CTNNA3: variants seen among roughly 807,000 people sequenced by gnomAD.
The protein encoded by CTNNA3 is catenin alpha 3.
A neutral mutation model predicts 95.7 loss-of-function variants in CTNNA3; 76 were observed. That is an observed-to-expected ratio of 0.79 (90% confidence interval 0.66 to 0.96). The LOEUF (loss-of-function observed/expected upper bound fraction) is 0.96, where lower values mean the gene tolerates loss of function less well. Among genes scored for constraint, CTNNA3 ranks in the 40% least tolerant of loss-of-function variants. The pLI is 0.00. For missense variants in CTNNA3, 1,191 were observed against 1,089.8 expected (o/e 1.09, Z -1.31); for synonymous variants, 431 against 374.4 (o/e 1.15, Z -1.74).
At chr10:66,392,376 G>A (rs1321431502) in intron 11 of CTNNA3, among the ~76,000 whole-genome samples, 1 of 152,040 alleles carries the variant, frequency 6.6e-6, no homozygotes, top group Non-Finnish European at 1.5e-5. Flanking sequence ...GTTGCAGTGA[G>A]CAGAGATCGC....
At chr10:67,243,267 C>A (rs924082614) in intron 5 of CTNNA3, among the ~76,000 whole-genome samples, 8 of 151,946 alleles carry the variant, frequency 5.3e-5, no homozygotes, top group African/African-American at 1.9e-4. Context: ...ACTTTTCCAA[C>A]CCCCCCAACC....
At chr10:65,981,114 C>A (rs2078311596) in intron 16 of CTNNA3, among the ~76,000 whole-genome samples, 1 of 152,064 alleles carries the variant, frequency 6.6e-6, no homozygotes. Context: ...ATCCAAGAAT[C>A]TCCTAGAACT....
chr10:65,959,669 C>T (rs541747985), intron 17 of CTNNA3, among the ~76,000 whole-genome samples: 15 of 152,272 alleles, frequency 9.9e-5, no homozygotes, highest in African/African-American at 3.6e-4. Context: ...GGACTACAGG[C>T]ATACACCACC....
chr10:66,766,745 C>T (rs1839874465), intron 8 of CTNNA3, among the ~76,000 whole-genome samples: 2 of 152,056 alleles, frequency 1.3e-5, no homozygotes, highest in African/African-American at 4.8e-5. Flanking sequence ...TGAGTGTGTA[C>T]ACATAATATT....
intron 7 of CTNNA3, among the ~76,000 whole-genome samples, chr10:67,107,123 T>C (rs867547583): frequency 3.3e-5 from 5 of 152,180 alleles, no homozygotes; most frequent in Admixed American, 6.5e-5. Flanking sequence ...GAGAGGGCAG[T>C]GAAGGGAGAA....
intron 7 of CTNNA3, among the ~76,000 whole-genome samples, chr10:66,976,099 A>G (rs1274321843): frequency 2.6e-5 from 4 of 152,180 alleles, no homozygotes; most frequent in Non-Finnish European, 5.9e-5. Context: ...AGGTGCTAGT[A>G]GCTTTGTATT....
intron 9 of CTNNA3, among the ~76,000 whole-genome samples, chr10:66,741,406 C>T (rs1849322059): frequency 6.6e-6 from 1 of 152,130 alleles, no homozygotes; most frequent in Non-Finnish European, 1.5e-5. Context: ...ACGTCTGATA[C>T]CAGCAAGAGT....
At chr10:66,841,513 A>G (rs947373548) in intron 7 of CTNNA3, among the ~76,000 whole-genome samples, 21 of 152,198 alleles carry the variant, frequency 1.4e-4, no homozygotes, top group African/African-American at 4.6e-4. Context: ...AATAAATTAT[A>G]AGAATGTTGA....
At chr10:65,927,751 G>C (rs1332158130) in intron 17 of CTNNA3, among the ~76,000 whole-genome samples, 1 of 152,088 alleles carries the variant, frequency 6.6e-6, no homozygotes, top group East Asian at 1.9e-4. Flanking sequence ...AAATAAAGTT[G>C]TTATGGCATT....
chr10:66,352,919 G>A (rs1362656434), intron 12 of CTNNA3, among the ~76,000 whole-genome samples: 1 of 152,094 alleles, frequency 6.6e-6, no homozygotes, highest in East Asian at 1.9e-4. Flanking sequence ...GGAAGAGGAG[G>A]TCATCAACGA....
chr10:67,232,918 C>A (rs1176819611), intron 5 of CTNNA3, among the ~76,000 whole-genome samples: 1 of 152,050 alleles, frequency 6.6e-6, no homozygotes, highest in East Asian at 1.9e-4. Context: ...CAAAGAAGGC[C>A]ATTACATAAC....
chr10:66,286,377 T>C (rs997377045), intron 12 of CTNNA3, among the ~76,000 whole-genome samples: 2 of 152,064 alleles, frequency 1.3e-5, no homozygotes, highest in Non-Finnish European at 2.9e-5. Context: ...TTTGATTTTT[T>C]AAAAAATCTA....
intron 11 of CTNNA3, among the ~76,000 whole-genome samples, chr10:66,396,893 C>T (rs1463248342): frequency 6.6e-6 from 1 of 151,526 alleles, no homozygotes; most frequent in Non-Finnish European, 1.5e-5. Context: ...TTGGTAAACA[C>T]AAATAATAAC....
At chr10:67,327,169 T>C (rs1841574019) in intron 5 of CTNNA3, among the ~76,000 whole-genome samples, 1 of 152,230 alleles carries the variant, frequency 6.6e-6, no homozygotes, top group South Asian at 2.1e-4. Context: ...GGTTTCAAAA[T>C]ACTTCTGTAG....
chr10:67,014,059 C>G (rs79464362), intron 7 of CTNNA3, among the ~76,000 whole-genome samples: 2 of 152,088 alleles, frequency 1.3e-5, no homozygotes, highest in Admixed American at 6.6e-5. Context: ...TAAAAAATAA[C>G]CTTTTTTCCC....
chr10:67,742,122 T>C (rs139765457), intron 1 of CTNNA3, among the ~76,000 whole-genome samples: 8,580 of 150,856 alleles, frequency 0.057, 577 homozygotes, highest in African/African-American at 0.14. Context: ...AACAAGGATA[T>C]CCAGGAACTG....
intron 11 of CTNNA3, among the ~76,000 whole-genome samples, chr10:66,471,114 T>C (rs1839113850): frequency 6.6e-6 from 1 of 151,892 alleles, no homozygotes; most frequent in South Asian, 2.1e-4. Flanking sequence ...CCATTGTTTA[T>C]TGTCCATGGT....
At chr10:66,635,597 C>G (rs1845306490) in intron 9 of CTNNA3, among the ~76,000 whole-genome samples, 1 of 152,068 alleles carries the variant, frequency 6.6e-6, no homozygotes, top group South Asian at 2.1e-4. Context: ...TTGCACTGTT[C>G]AAATGCTATC....
intron 15 of CTNNA3, among the ~76,000 whole-genome samples, chr10:66,017,241 C>G (rs10822693): frequency 0.52 from 79,746 of 151,900 alleles, 20,989 homozygotes; most frequent in Admixed American, 0.57. Context: ...TCATTGTTCT[C>G]ATACCAGTGT....
Sources: allele counts gnomAD v4.1 joint callset (sites outside exome capture counted in the v4.1 genomes callset), GRCh38; gene constraint gnomAD v4.1.1; transcripts MANE v1.5; gene names NCBI Gene and HGNC (gene_info 2026-07-23, HGNC 2026-07-21).